ZNF730: variants seen among roughly 807,000 people sequenced by gnomAD.
ZNF730 encodes putative zinc finger protein 730.
Under a neutral mutation model 12.6 loss-of-function variants are expected in ZNF730, and 12 were observed. The observed-to-expected ratio is 0.95, with a 90% confidence interval of 0.61 to 1.54. ZNF730 has a LOEUF of 1.54. ZNF730 is among the 40% of genes most tolerant of loss of function. ZNF730 has a pLI of 0.00. For missense variants in ZNF730, 643 were observed against 583.5 expected, an observed-to-expected ratio of 1.10 and a Z score of -1.05; for synonymous variants, 194 against 195.8, an observed-to-expected ratio of 0.99 and a Z score of 0.08.
Position 23,145,532 on chromosome 19 carries a change from A to C in ZNF730, c.488A>C (p.His163Pro). 6.4e-7 allele frequency: 1 copy of C among 1,557,606 alleles called. No individual in the cohort carries two copies. Among genetic ancestry groups the C allele is most frequent in the Middle Eastern group, 1.7e-4 (1 of 5,968 alleles). ...VFHKFSNSNRHKIRHTSKKPF... is the reference protein window; with the variant it reads ...VFHKFSNSNRPKIRHTSKKPF... ...CATAAATTTTCAAATTCAAACAGAC[A>C]TAAGATAAGACATACTTCGAAGAAA... Residue 163 changes from histidine (H) to proline (P), a missense_variant, in exon 4 of 4, where the codon CAT becomes CCT. Physicochemically the swap from His to Pro is moderately conservative, Grantham distance 77. Coordinates refer to ENST00000597761, the MANE Select transcript of ZNF730 (RefSeq NM_001277403.2).
chr19:23,140,711 T>C (rs919091765), intron 3 of ZNF730, among the ~76,000 whole-genome samples: 3 of 151,928 alleles, frequency 2.0e-5, no homozygotes, highest in African/African-American at 7.3e-5. Context: ...CCCAGCACTT[T>C]GGGAGGCCGA....
In ZNF730 at chr19:23,117,180, A is replaced by G. The variant is rs1166099348; in HGVS notation, c.3+4A>G. ...GCCCCCTGGAAGCCTAGAAATGGTG[A>G]GAGTGCCGGTCCGACATCCCGAGAG... On this transcript the variant is annotated splice_donor_region_variant and intron_variant, in intron 1 of 3. Coordinates refer to ENST00000597761, the MANE Select transcript of ZNF730 (RefSeq NM_001277403.2). 11 of 1,613,728 alleles carry G rather than the reference A, an allele frequency of 6.8e-6. No homozygotes were observed. Among genetic ancestry groups the G allele is most frequent in the Admixed American group, 5.0e-5 (3 of 60,002 alleles).
At chr19:23,112,559 T>A (rs538613331), upstream of ZNF730, among the ~76,000 whole-genome samples, 1 of 152,104 alleles carries the variant, frequency 6.6e-6, no homozygotes, top group Non-Finnish European at 1.5e-5. Context: ...CCATCTCTAC[T>A]AAAAATACAA....
chr19:23,088,835 C>A (rs1194332392), intron 1 of ZNF730, among the ~76,000 whole-genome samples: 1 of 151,962 alleles, frequency 6.6e-6, no homozygotes, highest in African/African-American at 2.4e-5. Context: ...TTGAAATGAT[C>A]ATGTGGTTTT....
chr19:23,129,822 T>A (rs1406245402), intron 1 of ZNF730, among the ~76,000 whole-genome samples: 1 of 151,622 alleles, frequency 6.6e-6, no homozygotes, highest in Non-Finnish European at 1.5e-5. Context: ...TGAAACCCCA[T>A]CTCTACTAAA....
intron 2 of ZNF730, 29 bp downstream of exon 2, chr19:23,134,235 A>G: frequency 1.3e-6 from 2 of 1,544,734 alleles, no homozygotes; most frequent in Non-Finnish European, 1.8e-6. Flanking sequence ...TACAATTCCT[A>G]ATATACCCTA....
upstream of ZNF730, among the ~76,000 whole-genome samples, chr19:23,112,911 G>A (rs1260017970): frequency 1.3e-5 from 2 of 152,068 alleles, no homozygotes; most frequent in Non-Finnish European, 1.5e-5. Context: ...TTCTAAATGG[G>A]CATCCTTTGA....
chr19:23,109,590 T>C (rs764164726), intron 1 of ZNF730, among the ~76,000 whole-genome samples: 1 of 151,798 alleles, frequency 6.6e-6, no homozygotes, highest in African/African-American at 2.4e-5. Flanking sequence ...TTAGTAGAGA[T>C]GGGGTTTCAC....
chr19:23,078,784 C>T (rs990694124), intron 1 of ZNF730, among the ~76,000 whole-genome samples: 11 of 152,138 alleles, frequency 7.2e-5, no homozygotes, highest in Non-Finnish European at 1.6e-4. Flanking sequence ...AATAATTTTC[C>T]ACTCTGTGCA....
chr19:23,133,247 C>G (rs1357598711), intron 1 of ZNF730, among the ~76,000 whole-genome samples: 2 of 152,204 alleles, frequency 1.3e-5, no homozygotes, highest in Non-Finnish European at 2.9e-5. Context: ...AAAAAAAAGA[C>G]TACAGGCTCT....
At chr19:23,096,546 T>C (rs1390297266) in intron 1 of ZNF730, among the ~76,000 whole-genome samples, 1 of 152,192 alleles carries the variant, frequency 6.6e-6, no homozygotes, top group Non-Finnish European at 1.5e-5. Context: ...CTCTCATGCA[T>C]CGGCCCTGCC....
At chr19:23,095,094 G>A in intron 1 of ZNF730, 1 of 333,636 alleles carries the variant, frequency 3.0e-6, no homozygotes, top group Non-Finnish European at 5.4e-6. Flanking sequence ...GGGATTTGAT[G>A]CTCCTGCCTG....
intron 1 of ZNF730, among the ~76,000 whole-genome samples, chr19:23,132,658 A>G (rs1469595412): frequency 6.6e-6 from 1 of 152,156 alleles, no homozygotes; most frequent in South Asian, 2.1e-4. Context: ...GGGAAACGCC[A>G]GGGTTCTTAG....
chr19:23,075,852 G>A (rs905955510), intron 1 of ZNF730, among the ~76,000 whole-genome samples: 2 of 152,028 alleles, frequency 1.3e-5, no homozygotes, highest in Admixed American at 1.3e-4. Context: ...CTCCCAAAGT[G>A]CCGGGATTAC....
intron 2 of ZNF730, among the ~76,000 whole-genome samples, chr19:23,135,429 A>G (rs1970814874): frequency 6.6e-6 from 1 of 151,786 alleles, no homozygotes; most frequent in African/African-American, 2.4e-5. Flanking sequence ...ACCATCACCA[A>G]TTTTTGAATT....
chr19:23,119,899 T>G (rs946938252), intron 1 of ZNF730, among the ~76,000 whole-genome samples: 9 of 152,176 alleles, frequency 5.9e-5, no homozygotes, highest in Admixed American at 2.6e-4. Context: ...CTCAATTTTT[T>G]AAAATAGTTT....
chr19:23,146,283 A>T lies in ZNF730; in HGVS notation c.1239A>T (p.Thr413=), dbSNP rs1255522505. The change falls in exon 4 of 4, where the codon ACA becomes ACT. Residue 413 remains threonine, a synonymous_variant. Transcript: ENST00000597761. ...TTAGCCGTATCTCACACCTTACTACACATAAGAGAATTCATACTGGAGAGA... is the reference window on the plus strand; with the variant it reads ...TTAGCCGTATCTCACACCTTACTACTCATAAGAGAATTCATACTGGAGAGA... ...KAFSRISHLT[T]HKRIHTGEKP... is the part of the protein sequence containing the mutation. 5 of 1,613,726 alleles carry T rather than the reference A, an allele frequency of 3.1e-6. No individual in the cohort carries two copies. The highest frequency in any genetic ancestry group is 4.2e-6 in the Non-Finnish European group (5 of 1,179,834).
At chr19:23,126,954 GCTT>G (rs1970678825) in intron 1 of ZNF730, 1 of 513,846 alleles carries the variant, frequency 1.9e-6, no homozygotes, top group Non-Finnish European at 3.9e-6. Context: ...AGACACTCAT[GCTT>G]CTATTTTTCT....
At chr19:23,133,766 G>A (rs1458595286) in intron 1 of ZNF730, among the ~76,000 whole-genome samples, 2 of 152,214 alleles carry the variant, frequency 1.3e-5, no homozygotes, top group Non-Finnish European at 2.9e-5. Context: ...CATCTGAAAA[G>A]TTTACACAAC....
Sources: gnomAD v4.1 joint callset for allele counts (sites outside exome capture counted in the v4.1 genomes callset) on GRCh38, gnomAD v4.1.1 for gene constraint, MANE v1.5 for transcripts, NCBI Gene and HGNC (gene_info 2026-07-23, HGNC 2026-07-21) for gene names.